Variants in PTPRN2 observed in about 807,000 individuals in gnomAD.
PTPRN2 encodes receptor-type tyrosine-protein phosphatase N2.
Under a neutral mutation model 118.8 loss-of-function variants are expected in PTPRN2, and 74 were observed. The ratio of observed to expected loss-of-function variants is 0.62; its 90% CI spans 0.52 to 0.76. PTPRN2 has a LOEUF of 0.76. Among genes scored for constraint, PTPRN2 ranks in the 30% least tolerant of loss-of-function variants. The probability of loss-of-function intolerance (pLI) is 0.00; values close to 1 mark genes in which losing one functional copy is unlikely to be tolerated. For missense variants in PTPRN2, 1,481 were observed against 1,394.4 expected, an observed-to-expected ratio of 1.06 and a Z score of -0.99; for synonymous variants, 641 against 608.0, an observed-to-expected ratio of 1.05 and a Z score of -0.80.
chr7:158,159,599 G>T (rs1231000115), intron 6 of PTPRN2, among the ~76,000 whole-genome samples: 5 of 152,174 alleles, frequency 3.3e-5, no homozygotes. Context: ...TTTGTTTCCC[G>T]TTCAGTGTGG....
Position 158,226,420 on chromosome 7 carries a change from T to C in PTPRN2, c.278-21147A>G, listed in dbSNP as rs117359298. On this transcript the variant is annotated intron_variant, in intron 3 of 22. Coordinates refer to ENST00000389418, the MANE Select transcript of PTPRN2 (RefSeq NM_002847.5). ...GAAGGAAGGCTGGGAACACACCAGGTTTGTGGGTGGGGACGACGTTTGTTT... is the reference window on the plus strand; with the variant it reads ...GAAGGAAGGCTGGGAACACACCAGGCTTGTGGGTGGGGACGACGTTTGTTT... Among the ~76,000 whole-genome samples, 1,640 of 151,976 alleles carry C rather than the reference T, an allele frequency of 0.011. 89 individuals are homozygous for C. In the East Asian group the frequency reaches 0.17, roughly 16 times the overall value.
chr7:157,606,837 T>A (rs978974866), intron 15 of PTPRN2, among the ~76,000 whole-genome samples: 1 of 152,248 alleles, frequency 6.6e-6, no homozygotes, highest in Admixed American at 6.5e-5. Context: ...GTGTTTTAAC[T>A]GATTGAACTA....
intron 11 of PTPRN2, among the ~76,000 whole-genome samples, chr7:158,013,319 TA>T (rs994512473): frequency 1.3e-5 from 2 of 152,182 alleles, no homozygotes; most frequent in Admixed American, 6.5e-5. Context: ...TAATCAGAGC[TA>T]TTGCAATTGC....
intron 11 of PTPRN2, among the ~76,000 whole-genome samples, chr7:157,912,837 T>TG (rs1798175495): frequency 6.6e-6 from 1 of 152,228 alleles, no homozygotes. Flanking sequence ...CCTCTGTTCC[T>TG]GGCCCAGGTG....
intron 10 of PTPRN2, among the ~76,000 whole-genome samples, chr7:158,086,927 G>A (rs1813463610): frequency 6.6e-6 from 1 of 152,198 alleles, no homozygotes; most frequent in Admixed American, 6.5e-5. Flanking sequence ...ACTGTAGAGA[G>A]GATGGGAGCA....
intron 2 of PTPRN2, among the ~76,000 whole-genome samples, chr7:158,379,076 C>A (rs994550005): frequency 2.0e-4 from 31 of 152,128 alleles, no homozygotes; most frequent in Non-Finnish European, 5.9e-5. Flanking sequence ...TGGGTTAGGA[C>A]AGGGGCTGCA....
chr7:158,333,541 G>C lies in PTPRN2; in HGVS notation c.164-16609C>G, dbSNP rs533430008. On this transcript the variant is annotated intron_variant, in intron 2 of 22. Transcript: ENST00000389418. Reference sequence around the variant, plus strand: ...ACCATAAGACCTGACACTCGCAGACGTCACTCACACCCACACTCTCACCAT... The same window carrying C: ...ACCATAAGACCTGACACTCGCAGACCTCACTCACACCCACACTCTCACCAT... Among the ~76,000 whole-genome samples the C allele has an allele frequency of 6.7e-5, 10 of 149,108 alleles. No individual in the cohort carries two copies. In the East Asian group the frequency reaches 1.6e-3, roughly 24 times the overall value.
At chr7:158,356,210 T>G (rs1808372645) in intron 2 of PTPRN2, among the ~76,000 whole-genome samples, 1 of 152,228 alleles carries the variant, frequency 6.6e-6, no homozygotes, top group African/African-American at 2.4e-5. Flanking sequence ...GTCATCACTG[T>G]TGACAAAAAT....
intron 3 of PTPRN2, among the ~76,000 whole-genome samples, chr7:158,259,854 G>A (rs1226317498): frequency 6.7e-6 from 1 of 149,948 alleles, no homozygotes; most frequent in Non-Finnish European, 1.5e-5. Context: ...GTGTCCATGT[G>A]TCCCTGGTGT....
Position 157,656,520 on chromosome 7 carries a change from G to A in PTPRN2, c.2033C>T (p.Pro678Leu), listed in dbSNP as rs541830652. 1.3e-6 allele frequency: 2 copies of A among 1,549,000 alleles called. No homozygotes were observed. Among genetic ancestry groups the A allele is most frequent in the East Asian group, 2.4e-5 (1 of 41,622 alleles). ...ELCRQRMATR[P>L]PDRPEGPHTS... ...GTGCGGGCCCTCAGGTCGGTCTGGT[G>A]GCCGCGTGGCCATACGCTGGCGGCA... The change falls in exon 14 of 23, where the codon CCA becomes CTA. Residue 678 changes from proline (P) to leucine (L), a missense_variant. Around this residue, in one of 3 missense-constraint regions of PTPRN2, gnomAD observed 1,115 missense variants for 994.2 expected, o/e 1.12. Coordinates refer to ENST00000389418, the MANE Select transcript of PTPRN2 (RefSeq NM_002847.5).
At chr7:158,481,930 T>G (rs759377364) in intron 2 of PTPRN2, among the ~76,000 whole-genome samples, 11 of 152,156 alleles carry the variant, frequency 7.2e-5, no homozygotes, top group Non-Finnish European at 1.0e-4. Context: ...ATAGCAACAT[T>G]CACAGGAGTT....
At chr7:158,166,885 C>T (rs745437527) in intron 6 of PTPRN2, 46 bp downstream of exon 6, 9 of 1,418,960 alleles carry the variant, frequency 6.3e-6, no homozygotes, top group Non-Finnish European at 7.4e-6. Context: ...AGGGGCTGGA[C>T]AGAGGACAGT....
rs1046052059 is a variant in PTPRN2 at position 157,808,536 on chromosome 7, G to A, written c.1788+90137C>T. On this transcript the variant is annotated intron_variant, in intron 12 of 22. Coordinates refer to ENST00000389418, the MANE Select transcript of PTPRN2 (RefSeq NM_002847.5). This position sits in a 1 kb window ranked among gnomAD's most constrained non-coding sequence, Gnocchi z 5.0. ...ATGAAAATCTAATGCCTGATGATCT[G>A]TCACTGTCTCCCATCACCCCCAGAT... Among the ~76,000 whole-genome samples the A allele has an allele frequency of 1.3e-5, 2 of 152,182 alleles. No individual in the cohort carries two copies. Among genetic ancestry groups the A allele is most frequent in the Admixed American group, 1.3e-4 (2 of 15,280 alleles).
Position 157,743,393 on chromosome 7 carries a change from G to A in PTPRN2, c.1789-60456C>T, listed in dbSNP as rs541910333. Among the ~76,000 whole-genome samples the A allele has an allele frequency of 1.2e-3, 187 of 152,334 alleles. 2 individuals carry two copies. Among genetic ancestry groups the A allele is most frequent in the Admixed American group, 3.5e-3 (54 of 15,304 alleles). ...ACGGTGGGACCAGCCTGCAATCGGT[G>A]CGGCGGGCTATGCTTAGGGCCTAAG... On this transcript the variant is annotated intron_variant, in intron 12 of 22. Coordinates refer to ENST00000389418, the MANE Select transcript of PTPRN2 (RefSeq NM_002847.5).
rs536728775 is a variant in PTPRN2 at position 157,942,004 on chromosome 7, G to A, written c.1724-43267C>T. On this transcript the variant is annotated intron_variant, in intron 11 of 22. Transcript: ENST00000389418. ...TCCCCAGCACACCTTCAAATATGGGGGTCCTTAGCACACCTTCGCACACGG... is the reference window on the plus strand; with the variant it reads ...TCCCCAGCACACCTTCAAATATGGGAGTCCTTAGCACACCTTCGCACACGG... Among the ~76,000 whole-genome samples, 199 of 151,240 alleles carry A rather than the reference G, an allele frequency of 1.3e-3. 1 individual carries two copies. The highest frequency in any genetic ancestry group is 2.6e-3 in the Non-Finnish European group (175 of 67,658).
intron 2 of PTPRN2, among the ~76,000 whole-genome samples, chr7:158,392,287 T>C (rs1164626881): frequency 2.0e-5 from 3 of 152,148 alleles, no homozygotes; most frequent in Non-Finnish European, 4.4e-5. Flanking sequence ...ACACAGGGTG[T>C]GGACACAAAG....
intron 11 of PTPRN2, among the ~76,000 whole-genome samples, chr7:158,057,598 A>G (rs556974861): frequency 1.1e-4 from 17 of 152,258 alleles, no homozygotes; most frequent in South Asian, 2.1e-4. Context: ...GGTGAGGCAG[A>G]CGGCCAGCTG....
intron 12 of PTPRN2, among the ~76,000 whole-genome samples, chr7:157,846,706 T>C (rs938460955): frequency 1.3e-5 from 2 of 151,568 alleles, no homozygotes; most frequent in Non-Finnish European, 2.9e-5. Context: ...TCTCACTCCA[T>C]CATGCGTGCC....
chr7:158,282,329 T>C (rs1340905061), intron 3 of PTPRN2, among the ~76,000 whole-genome samples: 1 of 152,230 alleles, frequency 6.6e-6, no homozygotes, highest in Non-Finnish European at 1.5e-5. Flanking sequence ...GAGTATTTTA[T>C]TGTTAAACTC....
Sources: allele counts gnomAD v4.1 joint callset (sites outside exome capture counted in the v4.1 genomes callset), GRCh38; gene constraint gnomAD v4.1.1; regional missense constraint gnomAD v4.1.1; non-coding constraint Gnocchi (gnomAD v3.1); transcripts MANE v1.5; gene names NCBI Gene and HGNC (gene_info 2026-07-23, HGNC 2026-07-21).